DOCK7: variants seen among roughly 807,000 people sequenced by gnomAD.
DOCK7 encodes the protein dedicator of cytokinesis 7.
In DOCK7, 138 loss-of-function variants were observed where a neutral mutation model predicts 271.0. That is an observed-to-expected ratio of 0.51 (90% CI 0.44 to 0.59). The LOEUF is 0.59. Among genes scored for constraint, DOCK7 ranks in the 20% least tolerant of loss-of-function variants. The probability of loss-of-function intolerance (pLI) is 0.00; values close to 1 mark genes in which losing one functional copy is unlikely to be tolerated. For missense variants in DOCK7, 2,066 were observed against 2,592.4 expected, an observed-to-expected ratio of 0.80 and a Z score of 4.41; for synonymous variants, 823 against 876.1, an observed-to-expected ratio of 0.94 and a Z score of 1.07.
intron 33 of DOCK7, chr1:62,510,924 C>G (rs1557646683): frequency 2.7e-6 from 1 of 375,520 alleles, no homozygotes; most frequent in East Asian, 5.1e-5. Context: ...AATGTTCTAA[C>G]ATTGGTTTGC....
intron 1 of DOCK7, among the ~76,000 whole-genome samples, chr1:62,674,392 G>A (rs1315622487): frequency 6.6e-6 from 1 of 152,106 alleles, no homozygotes; most frequent in Non-Finnish European, 1.5e-5. Flanking sequence ...AACAGATTCA[G>A]TGCAATCTCT....
intron 12 of DOCK7, 123 bp downstream of exon 12, chr1:62,625,136 T>C (rs1265767292): frequency 1.2e-6 from 1 of 800,128 alleles, no homozygotes; most frequent in African/African-American, 1.8e-5. Context: ...TTTTTATTCT[T>C]AAAGTTTTTA....
intron 7 of DOCK7, among the ~76,000 whole-genome samples, chr1:62,646,825 A>G (rs1342983146): frequency 6.6e-6 from 1 of 152,222 alleles, no homozygotes; most frequent in Non-Finnish European, 1.5e-5. Flanking sequence ...CAGTAATGAC[A>G]GCTGTGCAAC....
chr1:62,551,965 G>A (rs1223845513), intron 22 of DOCK7, among the ~76,000 whole-genome samples: 1 of 151,772 alleles, frequency 6.6e-6, no homozygotes, highest in Non-Finnish European at 1.5e-5. Context: ...GAGTCTTAAT[G>A]TAAATCTTAC....
At chr1:62,522,644 T>G (rs1644886005) in intron 31 of DOCK7, among the ~76,000 whole-genome samples, 1 of 152,000 alleles carries the variant, frequency 6.6e-6, no homozygotes, top group Non-Finnish European at 1.5e-5. Flanking sequence ...CATCACCACT[T>G]CTATTCAACA....
chr1:62,457,634 T>C lies in DOCK7; in HGVS notation c.6284A>G (p.Glu2095Gly). ...CTCTTTAAGGCGATGATAGTTTCTC[T>C]CCAGTTCCCTTTGATACTCCTTTTG... ...PDQKEYQRELERNYHRLKEAL... is the reference protein window; with the variant it reads ...PDQKEYQRELGRNYHRLKEAL... The change falls in exon 49 of 50, where the codon GAG becomes GGG. Residue 2095 changes from glutamate (E) to glycine (G), a missense_variant. This residue lies in a region of DOCK7 where 652 missense variants were observed against 922.1 expected (regional missense o/e 0.71). Coordinates refer to ENST00000635253, the MANE Select transcript of DOCK7 (RefSeq NM_001367561.1). 6.2e-7 allele frequency: 1 copy of C among 1,614,224 alleles called. No homozygotes were observed. The highest frequency in any genetic ancestry group is 1.6e-4 in the Middle Eastern group (1 of 6,062).
rs922679914 is a variant in DOCK7 at position 62,476,193 on chromosome 1, A to C, written c.5635-37T>G. 5.7e-6 allele frequency: 9 copies of C among 1,568,868 alleles called. No individual in the cohort carries two copies. In the South Asian group the frequency reaches 1.0e-4, roughly 18 times the overall value. On this transcript the variant is annotated intron_variant, in intron 44 of 49. Coordinates refer to ENST00000635253, the MANE Select transcript of DOCK7 (RefSeq NM_001367561.1). ...AAAAAGAAACATTTTATATGAAGTT[A>C]AAAAGACTGCGAAATAGAGAAGGCC...
In DOCK7 at chr1:62,663,041, A is replaced by G. The variant is rs764208927; in HGVS notation, c.128T>C (p.Ile43Thr). ...GTTACTTACTGTGGTGTGATGGGAT[A>G]TATTGCCAACAATATTAAGGTTTTT... ...LLKNLNIVGN[I>T]SHHTTVPLTE... Residue 43 changes from isoleucine to threonine, a missense_variant, in exon 2 of 50, where the codon ATA becomes ACA. Coordinates refer to ENST00000635253, the MANE Select transcript of DOCK7 (RefSeq NM_001367561.1). 6 of 1,613,218 alleles carry G rather than the reference A, an allele frequency of 3.7e-6. No individual in the cohort carries two copies.
At chr1:62,647,025 T>C (rs773101021) in intron 7 of DOCK7, among the ~76,000 whole-genome samples, 9 of 152,204 alleles carry the variant, frequency 5.9e-5, no homozygotes, top group Non-Finnish European at 1.0e-4. Flanking sequence ...TCTAACTAAA[T>C]ATACAAAGCC....
intron 14 of DOCK7, among the ~76,000 whole-genome samples, chr1:62,594,607 C>G (rs537075515): frequency 6.6e-6 from 1 of 152,198 alleles, no homozygotes; most frequent in Non-Finnish European, 1.5e-5. Context: ...ATTCCCTTCT[C>G]TAAAAAGAAT....
intron 1 of DOCK7, among the ~76,000 whole-genome samples, chr1:62,671,102 G>A (rs926781576): frequency 8.6e-5 from 13 of 151,800 alleles, no homozygotes; most frequent in African/African-American, 2.9e-4. Flanking sequence ...GCGAGACCAC[G>A]AACCCACCAG....
chr1:62,559,127 T>C lies in DOCK7; in HGVS notation c.2293A>G (p.Asn765Asp). ...CTGCTCTTCAATTCATTTTCTAAGT[T>C]ATTTTCCATGATTCGCATGTCCCCA... ...RIGDMRIMENNLENELKSSIS... is the reference protein window; with the variant it reads ...RIGDMRIMENDLENELKSSIS... Residue 765 changes from asparagine to aspartate, a missense_variant, in exon 20 of 50, where the codon AAC (asparagine) becomes GAC (aspartate). By Grantham distance (23) the Asn-to-Asp change is conservative. Coordinates refer to ENST00000635253, the MANE Select transcript of DOCK7 (RefSeq NM_001367561.1). 1.2e-6 allele frequency: 2 copies of C among 1,613,904 alleles called. No homozygotes were observed. Among genetic ancestry groups the C allele is most frequent in the Non-Finnish European group, 1.7e-6 (2 of 1,179,934 alleles).
chr1:62,648,171 T>C lies in DOCK7; in HGVS notation c.667A>G (p.Asn223Asp). 1 of 1,613,686 alleles carries C rather than the reference T, an allele frequency of 6.2e-7. No individual in the cohort carries two copies. Among genetic ancestry groups the C allele is most frequent in the Non-Finnish European group, 8.5e-7 (1 of 1,179,752 alleles). The part of the protein sequence containing the change: ...RTPNEEIDRQ[N>D]DDQRKSNRHK... ...CGGTTTGATTTCCTTTGGTCATCAT[T>C]CTGACGGTCTATTTCTTCATTTGGA... is the stretch of plus-strand genomic sequence containing the variant. The change falls in exon 6 of 50, where the codon AAT (asparagine) becomes GAT (aspartate). Residue 223 changes from asparagine (N) to aspartate (D), a missense_variant. By Grantham distance (23) the Asn-to-Asp change is conservative (BLOSUM62 1). Around this residue, in one of 2 missense-constraint regions of DOCK7, gnomAD observed 1,414 missense variants for 1,670.4 expected, o/e 0.85. Coordinates refer to ENST00000635253, the MANE Select transcript of DOCK7 (RefSeq NM_001367561.1).
chr1:62,502,399 T>C (rs571494115), intron 37 of DOCK7, among the ~76,000 whole-genome samples: 2 of 152,328 alleles, frequency 1.3e-5, no homozygotes, highest in South Asian at 2.1e-4. Flanking sequence ...CAATTTCGCA[T>C]ACATTTTGTT....
rs752445129 is a variant in DOCK7 at position 62,535,636 on chromosome 1, T to C, written c.3472-4A>G. On this transcript the variant is annotated splice_polypyrimidine_tract_variant and splice_region_variant and intron_variant, in intron 28 of 49. Transcript: ENST00000635253. ...CATTCGTAGAAAATCCAGAACTCTG[T>C]TGGAAAGTGAGGCAGAACAAGACTA... 6.2e-7 allele frequency: 1 copy of C among 1,612,580 alleles called. No homozygotes were observed. Among genetic ancestry groups the C allele is most frequent in the Non-Finnish European group, 8.5e-7 (1 of 1,179,278 alleles).
intron 14 of DOCK7, chr1:62,603,934 A>C: frequency 6.2e-7 from 1 of 1,603,686 alleles, no homozygotes; most frequent in African/African-American, 1.3e-5. Context: ...ACCTGTACTT[A>C]ATAACTCACA....
chr1:62,623,763 C>T (rs546945904), intron 12 of DOCK7, among the ~76,000 whole-genome samples: 1 of 152,164 alleles, frequency 6.6e-6, no homozygotes, highest in Non-Finnish European at 1.5e-5. Flanking sequence ...TACTACTGTC[C>T]ATAATAAAAA....
At chr1:62,494,514 T>A (rs767232821) in intron 39 of DOCK7, 47 bp from the exon 40 acceptor site, 36 of 1,545,358 alleles carry the variant, frequency 2.3e-5, no homozygotes, top group Non-Finnish European at 2.9e-5. Context: ...CTTCCCAAGC[T>A]GGGAGGGAGT....
chr1:62,625,474 A>T, intron 11 of DOCK7, 73 bp from the exon 12 acceptor site: 1 of 1,433,678 alleles, frequency 7.0e-7, no homozygotes, highest in Admixed American at 2.0e-5. Flanking sequence ...TTCCAAACAC[A>T]AGGAAGAATC....
Sources: allele counts gnomAD v4.1 joint callset (sites outside exome capture counted in the v4.1 genomes callset), GRCh38; gene constraint gnomAD v4.1.1; regional missense constraint gnomAD v4.1.1; transcripts MANE v1.5; gene names NCBI Gene and HGNC (gene_info 2026-07-23, HGNC 2026-07-21).